CNTNAP5: variants seen among roughly 807,000 people sequenced by gnomAD.
CNTNAP5 encodes the protein contactin associated protein family member 5, also known as contactin-associated protein-like 5.
In CNTNAP5, 72 loss-of-function variants were observed where a neutral mutation model predicts 150.2. The ratio of observed to expected loss-of-function variants is 0.48; its 90% CI spans 0.40 to 0.58. The LOEUF (loss-of-function observed/expected upper bound fraction) is 0.58. Ranked by LOEUF, CNTNAP5 falls within the 20% of genes least tolerant of loss-of-function variation. The pLI is 0.00. For missense variants in CNTNAP5, 1,636 were observed against 1,626.2 expected, an observed-to-expected ratio of 1.01 and a Z score of -0.10; for synonymous variants, 672 against 619.8, an observed-to-expected ratio of 1.08 and a Z score of -1.25.
At chr2:124,886,022 G>A (rs952387589) in intron 21 of CNTNAP5, among the ~76,000 whole-genome samples, 9 of 151,948 alleles carry the variant, frequency 5.9e-5, no homozygotes, top group East Asian at 1.9e-4. Context: ...CCATTAACAC[G>A]CGAGGGCTAG....
intron 3 of CNTNAP5, among the ~76,000 whole-genome samples, chr2:124,352,863 A>T (rs1295635975): frequency 1.3e-5 from 2 of 152,152 alleles, no homozygotes; most frequent in African/African-American, 4.8e-5. Flanking sequence ...CCTTCTTACA[A>T]TCCCATGCAT....
intron 1 of CNTNAP5, among the ~76,000 whole-genome samples, chr2:124,083,997 T>A (rs1012144906): frequency 6.6e-6 from 1 of 152,082 alleles, no homozygotes; most frequent in Non-Finnish European, 1.5e-5. Context: ...CTGTACTATA[T>A]TGAATTTTCT....
At position 124,429,559 on chromosome 2, in the gene CNTNAP5, G is replaced by T. The variant is rs909475210; in HGVS notation, c.530-4925G>T. 3.5e-4 allele frequency among the ~76,000 whole-genome samples: 54 copies of T among 152,182 alleles called. 1 individual carries two copies. The highest frequency in any genetic ancestry group is 3.2e-3 in the Admixed American group (49 of 15,272). On this transcript the variant is annotated intron_variant, in intron 4 of 23. Coordinates refer to ENST00000682447, the MANE Select transcript of CNTNAP5 (RefSeq NM_001367498.1). ...CTGGGAAATGGCTGGAGCCTGTTGT[G>T]TGCAATGTAATTAATATTGCAGAAG...
intron 3 of CNTNAP5, among the ~76,000 whole-genome samples, chr2:124,380,760 T>A (rs1486744419): frequency 6.6e-6 from 1 of 152,152 alleles, no homozygotes; most frequent in Non-Finnish European, 1.5e-5. Flanking sequence ...GTGTGTGCTA[T>A]GCGCAAGGCA....
chr2:124,030,886 T>C (rs1476855002), intron 1 of CNTNAP5, among the ~76,000 whole-genome samples: 2 of 152,082 alleles, frequency 1.3e-5, no homozygotes, highest in Non-Finnish European at 2.9e-5. Context: ...GGGTTGTAAG[T>C]CTACAGATGT....
In CNTNAP5 at chr2:124,919,387, G is replaced by A. The variant is rs1678829877; in HGVS notation, c.*5099G>A. ...TCTAGTGAAATATTGTACTTTGTAA[G>A]CTAGATGTCTGTCTTATGTAATGTT... On this transcript the variant is annotated 3_prime_UTR_variant, in exon 24 of 24. Coordinates refer to ENST00000682447, the MANE Select transcript of CNTNAP5 (RefSeq NM_001367498.1). Among the ~76,000 whole-genome samples, 1 of 152,124 alleles carries A rather than the reference G, an allele frequency of 6.6e-6. No homozygotes were observed. The highest frequency in any genetic ancestry group is 1.5e-5 in the Non-Finnish European group (1 of 68,006).
intron 1 of CNTNAP5, among the ~76,000 whole-genome samples, chr2:124,110,397 G>A (rs926346628): frequency 3.9e-5 from 6 of 152,100 alleles, no homozygotes; most frequent in African/African-American, 1.4e-4. Context: ...CTGGAAGGGA[G>A]GGAAGTTAAA....
At chr2:124,595,031 T>A (rs1257162744) in intron 11 of CNTNAP5, among the ~76,000 whole-genome samples, 1 of 141,496 alleles carries the variant, frequency 7.1e-6, no homozygotes, top group Non-Finnish European at 1.5e-5. Context: ...CTTAAGGAGA[T>A]TTTGGGCTGA....
chr2:124,357,398 T>C (rs985500364), intron 3 of CNTNAP5, among the ~76,000 whole-genome samples: 2 of 151,988 alleles, frequency 1.3e-5, no homozygotes, highest in African/African-American at 4.8e-5. Context: ...ATGTCCTGAA[T>C]GGTAATGCCT....
chr2:124,600,765 G>GAGAGAGAGAGAGAA (rs1696969407), intron 11 of CNTNAP5, among the ~76,000 whole-genome samples: 1 of 113,144 alleles, frequency 8.8e-6, no homozygotes, highest in Non-Finnish European at 2.0e-5. Flanking sequence ...GAGAGAGAGA[G>GAGAGAGAGAGAGAA]AGAAAGAGAG....
At chr2:124,743,338 A>T (rs1412351704) in intron 13 of CNTNAP5, among the ~76,000 whole-genome samples, 1 of 152,170 alleles carries the variant, frequency 6.6e-6, no homozygotes, top group Non-Finnish European at 1.5e-5. Context: ...ATGTGTTGTG[A>T]GTCCCGCCTC....
intron 3 of CNTNAP5, among the ~76,000 whole-genome samples, chr2:124,339,144 TAAAG>T (rs1162075374): frequency 6.6e-6 from 1 of 152,128 alleles, no homozygotes; most frequent in Non-Finnish European, 1.5e-5. Context: ...CACCTTTACA[TAAAG>T]AAAGTTCTTG....
chr2:124,590,103 G>A (rs779295978), intron 11 of CNTNAP5, among the ~76,000 whole-genome samples: 1 of 151,970 alleles, frequency 6.6e-6, no homozygotes, highest in Admixed American at 6.6e-5. Context: ...TTCTACCAAC[G>A]GATGATATAG....
intron 13 of CNTNAP5, among the ~76,000 whole-genome samples, chr2:124,651,100 A>G (rs1433213578): frequency 6.6e-6 from 1 of 152,206 alleles, no homozygotes; most frequent in Non-Finnish European, 1.5e-5. Flanking sequence ...ATCTTCCTTC[A>G]ACTTTGGTAA....
intron 1 of CNTNAP5, among the ~76,000 whole-genome samples, chr2:124,027,499 A>G (rs184395514): frequency 8.4e-4 from 128 of 152,364 alleles, no homozygotes; most frequent in Non-Finnish European, 1.7e-3. Flanking sequence ...TTTCTAATGC[A>G]ACACCTTTTC....
chr2:124,040,374 T>C (rs1376795332), intron 1 of CNTNAP5, among the ~76,000 whole-genome samples: 1 of 152,156 alleles, frequency 6.6e-6, no homozygotes, highest in Non-Finnish European at 1.5e-5. Context: ...GGCAAGATAC[T>C]GTTACCTGAA....
rs267598858 is a variant in CNTNAP5, at chr2:124,798,295, C to A, written c.3192C>A (p.Phe1064Leu). 6.2e-7 allele frequency: 1 copy of A among 1,613,278 alleles called. No homozygotes were observed. Among genetic ancestry groups the A allele is most frequent in the African/African-American group, 1.3e-5 (1 of 74,930 alleles). ...LLFINSSSQD[F>L]VVVLLCKNGS... The stretch of plus-strand genomic sequence containing the variant: ...TTATCAATTCTTCTTCTCAGGACTT[C>A]GTGGTTGTTCTGCTCTGCAAGAATG... The change falls in exon 19 of 24, where the codon TTC becomes TTA. Residue 1064 changes from phenylalanine to leucine, a missense_variant. Transcript: ENST00000682447.
intron 9 of CNTNAP5, 64 bp from the exon 10 acceptor site, chr2:124,527,221 A>T: frequency 7.0e-7 from 1 of 1,435,684 alleles, no homozygotes; most frequent in Non-Finnish European, 9.6e-7. Context: ...TTCCATCAAT[A>T]GGTCGCCAAA....
chr2:124,400,669 G>GTTTTTTTTTTT (rs760418441), intron 3 of CNTNAP5, among the ~76,000 whole-genome samples: 20 of 84,482 alleles, frequency 2.4e-4, no homozygotes, highest in South Asian at 1.5e-3. Context: ...TAAAGGCATT[G>GTTTTTTTTTTT]TTTTTTTTTT....
Sources: gnomAD v4.1 joint callset for allele counts (sites outside exome capture counted in the v4.1 genomes callset) on GRCh38, gnomAD v4.1.1 for gene constraint, MANE v1.5 for transcripts, NCBI Gene and HGNC (gene_info 2026-07-23, HGNC 2026-07-21) for gene names.